POLR2B: variants seen among roughly 807,000 people sequenced by gnomAD.
POLR2B encodes RNA polymerase II subunit B.
Under a neutral mutation model 144.6 loss-of-function variants are expected in POLR2B, and 57 were observed. The observed-to-expected ratio is 0.39, with a 90% CI of 0.32 to 0.49. The LOEUF (loss-of-function observed/expected upper bound fraction) is 0.49. Ranked by LOEUF, POLR2B falls within the 20% of genes least tolerant of loss-of-function variation. The pLI is 0.83. For synonymous variants in POLR2B, 442 were observed against 469.8 expected (o/e 0.94, Z 0.77); for missense variants, 595 against 1,467.4 (o/e 0.41, Z 9.71).
chr4:57,017,251 A>T lies in POLR2B; in HGVS notation c.2154+10A>T. The T allele has an allele frequency of 1.3e-6, 2 of 1,594,744 alleles. No individual in the cohort carries two copies. The highest frequency in any genetic ancestry group is 1.7e-6 in the Non-Finnish European group (2 of 1,165,436). Reference sequence around the variant, plus strand: ...TCCTGATCATAACCAGGTTGGTATCACTTTTTGTCTTCTGGTGTGAGGAAT... The same window carrying T: ...TCCTGATCATAACCAGGTTGGTATCTCTTTTTGTCTTCTGGTGTGAGGAAT... On this transcript the variant is annotated intron_variant, in intron 15 of 24. Transcript: ENST00000314595. The surrounding 1 kb of genome is among the most constrained non-coding windows in gnomAD (Gnocchi z 4.8).
chr4:56,984,384 C>T lies in POLR2B; in HGVS notation c.20-1970C>T, dbSNP rs557648701. Among the ~76,000 whole-genome samples the T allele has an allele frequency of 1.1e-4, 17 of 151,594 alleles. No homozygotes were observed. In the South Asian group the frequency reaches 2.3e-3, roughly 20 times the overall value. On this transcript the variant is annotated intron_variant, in intron 1 of 24. Transcript: ENST00000314595. Reference sequence around the variant, plus strand: ...ATTTTATTGACACATAATAGATACACATTTGTTATATGCCAATGTATATCT... The same window carrying T: ...ATTTTATTGACACATAATAGATACATATTTGTTATATGCCAATGTATATCT...
Position 56,995,135 on chromosome 4 carries a change from T to C in POLR2B, c.577-116T>C, listed in dbSNP as rs1284960297. 6 of 774,664 alleles carry C rather than the reference T, an allele frequency of 7.7e-6. No individual in the cohort carries two copies. In the East Asian group the frequency reaches 1.6e-4, roughly 21 times the overall value. The allele number at this position is 774,664 out of a possible 1,614,324, so 48.0% of individuals were successfully genotyped here. On this transcript the variant is annotated intron_variant, in intron 5 of 24. Transcript: ENST00000314595. The stretch of plus-strand genomic sequence containing the variant: ...AAATGGAGTTTGTAAAGTTGAAGAA[T>C]TAAATATTTCAGTGAGCCTATATGG...
chr4:56,990,862 T>G lies in POLR2B; in HGVS notation c.207T>G (p.Ala69=), dbSNP rs764304629. 2.5e-6 allele frequency: 4 copies of G among 1,613,406 alleles called. No individual in the cohort carries two copies. In the South Asian group the frequency reaches 4.4e-5, roughly 18 times the overall value. Residue 69 remains alanine, a synonymous_variant, in exon 3 of 25, where the codon GCT becomes GCG. Transcript: ENST00000314595. ...VEDAPPIDLQ[A]EAQHASGEVE... is the part of the protein sequence containing the mutation. ...ACGCTCCTCCTATAGACCTACAGGCTGAAGCTCAGCATGCTAGTGGAGAAG... is the reference window on the plus strand; with the variant it reads ...ACGCTCCTCCTATAGACCTACAGGCGGAAGCTCAGCATGCTAGTGGAGAAG...
chr4:57,021,128 C>T, intron 17 of POLR2B, 133 bp downstream of exon 17: 1 of 647,542 alleles, frequency 1.5e-6, no homozygotes, highest in Non-Finnish European at 2.8e-6. Context: ...TGGTCACAAA[C>T]AGCTGAAGAT....
In POLR2B at chr4:57,023,777, C is replaced by T; in HGVS notation, c.2856+26C>T. 7.2e-7 allele frequency: 1 copy of T among 1,387,060 alleles called. No homozygotes were observed. Among genetic ancestry groups the T allele is most frequent in the South Asian group, 1.3e-5 (1 of 79,350 alleles). 85.9% of individuals were successfully genotyped at this position (1,387,060 alleles called of 1,614,324 possible). The stretch of plus-strand genomic sequence containing the variant: ...GTAGGTATCTTTGATCTCCCTCATG[C>T]CCAAACCAGTTTTGTTAAATATTTT... On this transcript the variant is annotated intron_variant, in intron 20 of 24. Coordinates refer to ENST00000314595, the MANE Select transcript of POLR2B (RefSeq NM_000938.3). The surrounding 1 kb of genome is among the most constrained non-coding windows in gnomAD (Gnocchi z 4.3).
intron 8 of POLR2B, 69 bp downstream of exon 8, chr4:57,005,511 C>T: frequency 1.3e-6 from 2 of 1,482,856 alleles, no homozygotes; most frequent in Non-Finnish European, 1.8e-6. Context: ...TTCTTAGAGT[C>T]AAAAATGATG....
Position 57,022,186 on chromosome 4 carries a change from T to G in POLR2B, c.2455T>G (p.Ser819Ala). ...CTATCGCTCATACAAAGAACAGGAG[T>G]CTAAAAAAGGATTTGATCAAGAAGA... ...VFYRSYKEQE[S>A]KKGFDQEEVF... Residue 819 changes from serine (S) to alanine (A), a missense_variant, in exon 18 of 25, where the codon TCT becomes GCT. Transcript: ENST00000314595. 2 of 1,611,732 alleles carry G rather than the reference T, an allele frequency of 1.2e-6. No individual in the cohort carries two copies. Among genetic ancestry groups the G allele is most frequent in the Non-Finnish European group, 1.7e-6 (2 of 1,178,218 alleles).
chr4:57,014,976 G>A (rs1056139760), intron 13 of POLR2B, among the ~76,000 whole-genome samples: 1 of 151,228 alleles, frequency 6.6e-6, no homozygotes, highest in Non-Finnish European at 1.5e-5. Context: ...GAATCGCCAC[G>A]TTTCAAGTGC....
chr4:57,021,609 T>G (rs1263144479), intron 17 of POLR2B, among the ~76,000 whole-genome samples: 1 of 151,046 alleles, frequency 6.6e-6, no homozygotes, highest in Non-Finnish European at 1.5e-5. Flanking sequence ...CTACCTCAGC[T>G]TCCCAAGTAC....
chr4:56,992,251 T>A (rs1236927393), intron 3 of POLR2B, among the ~76,000 whole-genome samples: 1 of 151,560 alleles, frequency 6.6e-6, no homozygotes, highest in Non-Finnish European at 1.5e-5. Flanking sequence ...TCACCTGAGC[T>A]CAAGAGTTTG....
At chr4:57,029,038 T>C (rs1723821501) in intron 23 of POLR2B, among the ~76,000 whole-genome samples, 2 of 152,228 alleles carry the variant, frequency 1.3e-5, no homozygotes, top group South Asian at 2.1e-4. Context: ...TGAATTTTGC[T>C]GCTTGCATCC....
intron 3 of POLR2B, 31 bp from the exon 4 acceptor site, chr4:56,994,373 A>G: frequency 2.7e-6 from 3 of 1,104,814 alleles, no homozygotes; most frequent in Non-Finnish European, 4.1e-6. Context: ...AAAATTATTT[A>G]CCCTTTTCAT....
chr4:57,017,839 AATTT>A lies in POLR2B; in HGVS notation c.2323+114_2323+117del, dbSNP rs1393159636. On this transcript the variant is annotated intron_variant, in intron 16 of 24. Coordinates refer to ENST00000314595, the MANE Select transcript of POLR2B (RefSeq NM_000938.3). The surrounding 1 kb of genome is among the most constrained non-coding windows in gnomAD (Gnocchi z 4.8). The stretch of plus-strand genomic sequence containing the variant: ...TATGACATAGTGCCTGTTCTCACGG[AATTT>A]ATAATATGGTGGGAAACATGAACAT... 6 of 651,708 alleles carry A rather than the reference AATTT, an allele frequency of 9.2e-6. No homozygotes were observed. The highest frequency in any genetic ancestry group is 1.5e-5 in the Non-Finnish European group (6 of 395,380). 40.4% of individuals were successfully genotyped at this position (651,708 alleles called of 1,614,324 possible).
At chr4:57,021,635 C>T (rs1306253499) in intron 17 of POLR2B, among the ~76,000 whole-genome samples, 3 of 151,316 alleles carry the variant, frequency 2.0e-5, no homozygotes, top group South Asian at 2.1e-4. Flanking sequence ...ATTACAGGCA[C>T]GCACCACCAT....
chr4:56,992,464 CAAAAAAAAAAAAA>C (rs1209234628), intron 3 of POLR2B, among the ~76,000 whole-genome samples: 10 of 17,140 alleles, frequency 5.8e-4, no homozygotes, highest in South Asian at 0.012. Flanking sequence ...GACTCTGTCT[CAAAAAAAAAAAAA>C]AAAAAAAAAA....
chr4:57,014,864 T>C (rs1723316831), intron 13 of POLR2B, among the ~76,000 whole-genome samples: 1 of 152,212 alleles, frequency 6.6e-6, no homozygotes, highest in Non-Finnish European at 1.5e-5. Context: ...ATTCTATTAA[T>C]ATAAAAATTA....
In POLR2B at chr4:57,017,476, A is replaced by AT. The variant is rs1167400226; in HGVS notation, c.2155-83dup. 1.7e-6 allele frequency: 2 copies of AT among 1,161,852 alleles called. No individual in the cohort carries two copies. Among genetic ancestry groups the AT allele is most frequent in the Non-Finnish European group, 2.4e-6 (2 of 823,268 alleles). 72.0% of individuals were successfully genotyped at this position (1,161,852 alleles called of 1,614,324 possible). A position where few individuals can be genotyped will look rare whatever the true frequency, so the allele number is the denominator to read the frequency against. On this transcript the variant is annotated intron_variant, in intron 15 of 24. Coordinates refer to ENST00000314595, the MANE Select transcript of POLR2B (RefSeq NM_000938.3). The surrounding 1 kb of genome is among the most constrained non-coding windows in gnomAD (Gnocchi z 4.8). Reference sequence around the variant, plus strand: ...AAAAAAATCAGGAGTTTTACCAATCATATTTCTTTTGATTTATTGTCAGAG... The same window carrying AT: ...AAAAAAATCAGGAGTTTTACCAATCATTATTTCTTTTGATTTATTGTCAGAG...
chr4:57,018,381 A>G lies in POLR2B; in HGVS notation c.2323+653A>G, dbSNP rs771607377. Among the ~76,000 whole-genome samples the G allele has an allele frequency of 2.0e-5, 3 of 152,178 alleles. No homozygotes were observed. In the East Asian group the frequency reaches 5.8e-4, roughly 29 times the overall value. On this transcript the variant is annotated intron_variant, in intron 16 of 24. Transcript: ENST00000314595. The stretch of plus-strand genomic sequence containing the variant: ...GGTCCTAAAGAAATGAAAAAGAATG[A>G]TGGGTAAGATACCTTTTGAAATACA...
At chr4:57,028,623 C>T (rs1250929067) in intron 23 of POLR2B, among the ~76,000 whole-genome samples, 1 of 152,184 alleles carries the variant, frequency 6.6e-6, no homozygotes, top group Non-Finnish European at 1.5e-5. Flanking sequence ...CTGAGTTCTG[C>T]TAAGGTGTCA....
Sources: allele counts gnomAD v4.1 joint callset (sites outside exome capture counted in the v4.1 genomes callset), GRCh38; gene constraint gnomAD v4.1.1; non-coding constraint Gnocchi (gnomAD v3.1); transcripts MANE v1.5; gene names NCBI Gene and HGNC (gene_info 2026-07-23, HGNC 2026-07-21).